Variants in DCST2 observed in about 807,000 individuals in gnomAD.
The protein encoded by DCST2 is DC-STAMP domain-containing protein 2.
In DCST2, 64 loss-of-function variants were observed where a neutral mutation model predicts 81.8. That is an observed-to-expected ratio of 0.78 (90% CI 0.64 to 0.96). The LOEUF (loss-of-function observed/expected upper bound fraction) is 0.96, where lower values mean the gene tolerates loss of function less well. Ranked by LOEUF, DCST2 falls within the 40% of genes least tolerant of loss-of-function variation. The probability of loss-of-function intolerance (pLI) is 0.00; values close to 1 mark genes in which losing one functional copy is unlikely to be tolerated. For synonymous variants in DCST2, 354 were observed against 402.6 expected, an observed-to-expected ratio of 0.88 and a Z score of 1.44; for missense variants, 945 against 1,001.4, an observed-to-expected ratio of 0.94 and a Z score of 0.76.
In DCST2 at chr1:155,018,669, G is replaced by T. The variant is rs199916941; in HGVS notation, c.2197C>A (p.Pro733Thr). 57 of 1,613,990 alleles carry T rather than the reference G, an allele frequency of 3.5e-5. No individual in the cohort carries two copies. The East Asian group carries it at 1.2e-3, about 35-fold the overall frequency. The stretch of plus-strand genomic sequence containing the variant: ...GTCTCAGGTGGTCTGTGGGGCTCAG[G>T]GCTGGTGAGAATGCTGACAGGCTGA... ...AHQPVSILTS[P>T]EPHRPPETSS... The change falls in exon 15 of 15, where the codon CCT becomes ACT. Residue 733 changes from proline to threonine, a missense_variant. Pro to Thr is a conservative substitution (Grantham distance 38). Transcript: ENST00000368424.
chr1:155,031,836 G>A, intron 3 of DCST2, 65 bp from the exon 4 acceptor site: 1 of 1,515,634 alleles, frequency 6.6e-7, no homozygotes, highest in Non-Finnish European at 9.0e-7. Context: ...AGGGTTTTGG[G>A]GAACAATACC....
At chr1:155,029,426 T>G in intron 7 of DCST2, 29 bp from the exon 8 acceptor site, 1 of 1,608,010 alleles carries the variant, frequency 6.2e-7, no homozygotes, top group Non-Finnish European at 8.5e-7. Flanking sequence ...GTCAGGAGGA[T>G]GCTCCCCAGT....
intron 12 of DCST2, 153 bp from the exon 13 acceptor site, chr1:155,023,610 G>A (rs766367762): frequency 1.9e-6 from 3 of 1,546,204 alleles, no homozygotes; most frequent in Admixed American, 3.9e-5. Context: ...AATGCCACTT[G>A]CATATAAATC....
chr1:155,030,702 C>A, intron 5 of DCST2, 57 bp from the exon 6 acceptor site: 1 of 1,590,774 alleles, frequency 6.3e-7, no homozygotes, highest in South Asian at 1.1e-5. Flanking sequence ...GAGGGTGGAG[C>A]TGCCCCTGGG....
chr1:155,027,198 ATTTT>A (rs900841532), intron 8 of DCST2, among the ~76,000 whole-genome samples: 1 of 94,180 alleles, frequency 1.1e-5, no homozygotes, highest in Non-Finnish European at 2.0e-5. Context: ...ACGACCGGCT[ATTTT>A]TTTTTTTTTT....
At position 155,033,148 on chromosome 1, in the gene DCST2, G is replaced by C. The variant is rs1660153081; in HGVS notation, c.385C>G (p.Leu129Val). The part of the protein sequence containing the change: ...ASEAVACGAE[L>V]ALNQTAEVLQ... The stretch of plus-strand genomic sequence containing the variant: ...ACTTCGGCGGTCTGGTTCAGGGCCA[G>C]CTCTGCCCCACAGGCTACAGCCTCG... The change falls in exon 2 of 15, where the codon CTG becomes GTG. Residue 129 changes from leucine to valine, a missense_variant. Transcript: ENST00000368424. 1 of 1,609,144 alleles carries C rather than the reference G, an allele frequency of 6.2e-7. No individual in the cohort carries two copies. Among genetic ancestry groups the C allele is most frequent in the Non-Finnish European group, 8.5e-7 (1 of 1,177,608 alleles).
Position 155,018,527 on chromosome 1 carries a change from T to C in DCST2, c.*17A>G. 2 of 1,603,158 alleles carry C rather than the reference T, an allele frequency of 1.2e-6. No individual in the cohort carries two copies. Among genetic ancestry groups the C allele is most frequent in the Non-Finnish European group, 1.7e-6 (2 of 1,171,604 alleles). ...AATAATAATAATTTAAGATTCACAC[T>C]TGTGTCCACTTTTGGTTTATTTGGG... On this transcript the variant is annotated 3_prime_UTR_variant, in exon 15 of 15. Coordinates refer to ENST00000368424, the MANE Select transcript of DCST2 (RefSeq NM_144622.3).
At chr1:155,032,151 G>A (rs1660110295) in intron 3 of DCST2, among the ~76,000 whole-genome samples, 1 of 151,418 alleles carries the variant, frequency 6.6e-6, no homozygotes, top group East Asian at 2.0e-4. Flanking sequence ...GTGCCACCAC[G>A]CCCGGCTAAC....
At chr1:155,031,274 CA>C (rs1335471344) in intron 4 of DCST2, 40 bp from the exon 5 acceptor site, 1 of 1,537,296 alleles carries the variant, frequency 6.5e-7, no homozygotes, top group East Asian at 2.3e-5. Context: ...AGGAGGGGCA[CA>C]GCCAGGCCTG....
At position 155,023,841 on chromosome 1, in the gene DCST2, C is replaced by CG; in HGVS notation, c.1860dup (p.Gly621ArgfsTer40). On this transcript the variant is annotated frameshift_variant, in exon 12 of 15. Coordinates refer to ENST00000368424, the MANE Select transcript of DCST2 (RefSeq NM_144622.3). LOFTEE classifies it high-confidence loss of function. Reference sequence around the variant, plus strand: ...CCCCAGGGGGTCTCACCTTGGCAGCCGGGGGTACTGCAGGACACAGTGTTC... The same window carrying CG: ...CCCCAGGGGGTCTCACCTTGGCAGCCGGGGGGTACTGCAGGACACAGTGTTC... The CG allele has an allele frequency of 6.2e-7, 1 of 1,613,538 alleles. No homozygotes were observed. Among genetic ancestry groups the CG allele is most frequent in the Admixed American group, 1.7e-5 (1 of 59,936 alleles).
Position 155,031,760 on chromosome 1 carries a change from G to A in DCST2, c.553C>T (p.Arg185Trp), listed in dbSNP as rs190515815. Residue 185 changes from arginine (R) to tryptophan (W), a missense_variant, in exon 4 of 15, where the codon CGG becomes TGG. Coordinates refer to ENST00000368424, the MANE Select transcript of DCST2 (RefSeq NM_144622.3). The part of the protein sequence containing the change: ...DGVKHIARAL[R>W]NVWQWLLHIG... ...TGCAGGAGCCACTGCCACACATTCC[G>A]GAGAGCCCTGGCTGGGGACAGCTGC... 361 of 1,613,872 alleles carry A rather than the reference G, an allele frequency of 2.2e-4. No homozygotes were observed. In the Admixed American group the frequency reaches 3.0e-3, roughly 14 times the overall value.
intron 14 of DCST2, among the ~76,000 whole-genome samples, chr1:155,019,050 G>T (rs1167585136): frequency 2.6e-5 from 4 of 152,162 alleles, no homozygotes; most frequent in African/African-American, 9.7e-5. Context: ...TGTCCCCTCT[G>T]CTGACCCAGC....
At chr1:155,021,503 A>C (rs1571541308) in intron 14 of DCST2, among the ~76,000 whole-genome samples, 4 of 147,774 alleles carry the variant, frequency 2.7e-5, no homozygotes, top group South Asian at 2.2e-4. Context: ...GTCCCCTCCC[A>C]CTCTCCTGCC....
At position 155,023,938 on chromosome 1, in the gene DCST2, A is replaced by C. The variant is rs1399503767; in HGVS notation, c.1764T>G (p.Phe588Leu). The C allele has an allele frequency of 1.9e-6, 3 of 1,613,288 alleles. No individual in the cohort carries two copies. Among genetic ancestry groups the C allele is most frequent in the African/African-American group, 2.7e-5 (2 of 74,912 alleles). Reference protein sequence around the residue: ...LASRCPCLGPFVSHFWLHQAY... With the variant: ...LASRCPCLGPLVSHFWLHQAY... ...CCTGATGCAGCCAAAAGTGGCTGAC[A>C]AATGGACCTAGGCAGGGGCACCTGA... Residue 588 changes from phenylalanine (F) to leucine (L), a missense_variant, in exon 12 of 15, where the codon TTT (phenylalanine) becomes TTG (leucine). Transcript: ENST00000368424.
chr1:155,021,239 G>A (rs1659747502), intron 14 of DCST2, among the ~76,000 whole-genome samples: 1 of 151,886 alleles, frequency 6.6e-6, no homozygotes, highest in African/African-American at 2.4e-5. Context: ...GACCTTAAGT[G>A]GTCCTCCCGC....
At chr1:155,023,673 C>A in intron 12 of DCST2, 159 bp downstream of exon 12, 1 of 1,557,102 alleles carries the variant, frequency 6.4e-7, no homozygotes, top group Non-Finnish European at 8.7e-7. Context: ...AATGAGCTAC[C>A]TGAAGGCTCT....
intron 3 of DCST2, 103 bp from the exon 4 acceptor site, chr1:155,031,874 G>T: frequency 1.6e-6 from 2 of 1,238,134 alleles, no homozygotes; most frequent in South Asian, 1.4e-5. Context: ...AGAGGCCTGT[G>T]GTCAGGGACC....
intron 10 of DCST2, 56 bp from the exon 11 acceptor site, chr1:155,024,658 A>C (rs1659851159): frequency 2.0e-6 from 3 of 1,525,230 alleles, no homozygotes; most frequent in Non-Finnish European, 2.7e-6. Flanking sequence ...GTCTGCCTGG[A>C]ATGCCCTCTG....
chr1:155,024,328 C>T, intron 11 of DCST2, 144 bp downstream of exon 11: 1 of 1,167,202 alleles, frequency 8.6e-7, no homozygotes, highest in Non-Finnish European at 1.2e-6. Flanking sequence ...AGAATTCCCA[C>T]CTTTCACAGC....
Sources: gnomAD v4.1 joint callset for allele counts (sites outside exome capture counted in the v4.1 genomes callset) on GRCh38, gnomAD v4.1.1 for gene constraint, MANE v1.5 for transcripts, NCBI Gene and HGNC (gene_info 2026-07-23, HGNC 2026-07-21) for gene names.